Variants in PCDHGB6 observed in about 807,000 individuals in gnomAD.
The protein encoded by PCDHGB6 is protocadherin gamma subfamily B, 6.
In PCDHGB6, 51 loss-of-function variants were observed where a neutral mutation model predicts 59.1. The observed-to-expected ratio is 0.86, with a 90% confidence interval of 0.69 to 1.09. The LOEUF is 1.09. Ranked by LOEUF, PCDHGB6 falls within the 50% of genes least tolerant of loss-of-function variation. The probability of loss-of-function intolerance (pLI) is 0.00; values close to 1 mark genes in which losing one functional copy is unlikely to be tolerated. For synonymous variants in PCDHGB6, 466 were observed against 495.1 expected (o/e 0.94, Z 0.78); for missense variants, 1,148 against 1,205.1 (o/e 0.95, Z 0.70).
chr5:141,489,380 A>T lies in PCDHGB6; in HGVS notation c.2419-5427A>T, dbSNP rs753226956. 1 of 1,613,874 alleles carries T rather than the reference A, an allele frequency of 6.2e-7. No homozygotes were observed. The highest frequency in any genetic ancestry group is 2.2e-5 in the East Asian group (1 of 44,872). On this transcript the variant is annotated intron_variant, in intron 1 of 3. Transcript: ENST00000520790. The surrounding 1 kb of genome is among the most constrained non-coding windows in gnomAD (Gnocchi z 4.5). ...TCTGAGCCGGGGACGCTGGTGGGGA[A>T]TGTTGCTCAGGATCTGGGCTTAAAG... is the stretch of plus-strand genomic sequence containing the variant.
intron 1 of PCDHGB6, among the ~76,000 whole-genome samples, chr5:141,474,185 C>T (rs1481544975): frequency 1.3e-5 from 2 of 152,180 alleles, no homozygotes; most frequent in Non-Finnish European, 2.9e-5. Flanking sequence ...AAACTACTTA[C>T]ATTTTTAAAA....
At chr5:141,416,119 T>G (rs930613185) in intron 1 of PCDHGB6, 1 of 155,364 alleles carries the variant, frequency 6.4e-6, no homozygotes, top group Admixed American at 6.5e-5. Flanking sequence ...AACTACATTT[T>G]ATATATTTTT....
intron 1 of PCDHGB6, chr5:141,424,104 A>G (rs1049098128): frequency 6.2e-6 from 5 of 812,458 alleles, no homozygotes; most frequent in Non-Finnish European, 6.1e-6. Flanking sequence ...ATTACTGCTA[A>G]TGTTCAAATT....
At chr5:141,413,299 G>T in intron 1 of PCDHGB6, 1 of 1,613,966 alleles carries the variant, frequency 6.2e-7, no homozygotes, top group Non-Finnish European at 8.5e-7. Flanking sequence ...AATTCCTGAG[G>T]AATTAGAGAA....
chr5:141,428,117 G>A lies in PCDHGB6; in HGVS notation c.2418+17497G>A, dbSNP rs980705077. 5 of 1,606,984 alleles carry A rather than the reference G, an allele frequency of 3.1e-6. No individual in the cohort carries two copies. The African/African-American group carries it at 6.7e-5, about 21-fold the overall frequency. Reference sequence around the variant, plus strand: ...CCTACCACGTGCTGCAGGCCATCGAGCCCGGGCTTTTCAGCCTGGGGCTGC... The same window carrying A: ...CCTACCACGTGCTGCAGGCCATCGAACCCGGGCTTTTCAGCCTGGGGCTGC... On this transcript the variant is annotated intron_variant, in intron 1 of 3. Coordinates refer to ENST00000520790, the MANE Select transcript of PCDHGB6 (RefSeq NM_018926.3).
intron 1 of PCDHGB6, chr5:141,421,286 T>G: frequency 6.2e-7 from 1 of 1,613,284 alleles, no homozygotes; most frequent in Non-Finnish European, 8.5e-7. Flanking sequence ...CTGTGCATTT[T>G]CCTGGGGACG....
intron 1 of PCDHGB6, among the ~76,000 whole-genome samples, chr5:141,464,748 T>A (rs995568259): frequency 2.0e-5 from 3 of 152,190 alleles, no homozygotes; most frequent in Admixed American, 2.0e-4. Flanking sequence ...TATCTTTTTG[T>A]TTTTTTAGAG....
intron 1 of PCDHGB6, chr5:141,424,778 T>G (rs1009835492): frequency 1.3e-5 from 2 of 152,166 alleles, no homozygotes; most frequent in African/African-American, 4.8e-5. Flanking sequence ...AATAGTACAT[T>G]CAGTTCTTTT....
At chr5:141,506,597 C>T (rs937487600) in intron 3 of PCDHGB6, among the ~76,000 whole-genome samples, 4 of 152,150 alleles carry the variant, frequency 2.6e-5, no homozygotes, top group Admixed American at 6.5e-5. Context: ...ACAGTATTAA[C>T]GGATCTCATT....
chr5:141,458,347 T>A (rs1351687231), intron 1 of PCDHGB6, among the ~76,000 whole-genome samples: 1 of 151,916 alleles, frequency 6.6e-6, no homozygotes, highest in Non-Finnish European at 1.5e-5. Flanking sequence ...AGTGGAGAGT[T>A]TAATAAGCAA....
At chr5:141,414,452 T>G in intron 1 of PCDHGB6, 1 of 1,613,886 alleles carries the variant, frequency 6.2e-7, no homozygotes, top group Non-Finnish European at 8.5e-7. Context: ...AATATCACAG[T>G]GACAGCCACA....
rs145288114 is a variant in PCDHGB6 at position 141,477,334 on chromosome 5, C to T, written c.2419-17473C>T. On this transcript the variant is annotated intron_variant, in intron 1 of 3. Coordinates refer to ENST00000520790, the MANE Select transcript of PCDHGB6 (RefSeq NM_018926.3). This position sits in a 1 kb window ranked among gnomAD's most constrained non-coding sequence, Gnocchi z 4.9. ...GCCTTACTTCTTCCCTCAAGAATTA[C>T]TTCACTTTGAAAACCAGTGCAGACC... is the stretch of plus-strand genomic sequence containing the variant. 1.3e-4 allele frequency: 215 copies of T among 1,614,074 alleles called. No homozygotes were observed. Among genetic ancestry groups the T allele is most frequent in the Non-Finnish European group, 1.8e-4 (210 of 1,180,044 alleles).
intron 1 of PCDHGB6, chr5:141,479,537 T>C (rs1299169562): frequency 6.6e-6 from 1 of 152,230 alleles, no homozygotes; most frequent in Non-Finnish European, 1.5e-5. Context: ...GTGGAGAAGG[T>C]CAAAACTGCT....
intron 1 of PCDHGB6, chr5:141,418,251 C>G: frequency 6.2e-7 from 1 of 1,614,058 alleles, no homozygotes; most frequent in Non-Finnish European, 8.5e-7. Context: ...GACCACGCCC[C>G]TCAATTCCGG....
In PCDHGB6 at chr5:141,434,915, T is replaced by A. The variant is rs1301814716; in HGVS notation, c.2418+24295T>A. Among the ~76,000 whole-genome samples, 3 of 151,830 alleles carry A rather than the reference T, an allele frequency of 2.0e-5. No homozygotes were observed. The East Asian group carries it at 5.8e-4, about 29-fold the overall frequency. ...GTCCCCTTCCCTCATACCTTATTTATGTACATATATTTTATATAATAGATA... is the reference window on the plus strand; with the variant it reads ...GTCCCCTTCCCTCATACCTTATTTAAGTACATATATTTTATATAATAGATA... On this transcript the variant is annotated intron_variant, in intron 1 of 3. Transcript: ENST00000520790.
chr5:141,410,288 T>G lies in PCDHGB6; in HGVS notation c.2086T>G (p.Leu696Val). The change falls in exon 1 of 4, where the codon TTG becomes GTG. Residue 696 changes from leucine (L) to valine (V), a missense_variant. Coordinates refer to ENST00000520790, the MANE Select transcript of PCDHGB6 (RefSeq NM_018926.3). ...ACTGCAGTTTTACCTGGTGGTGGCC[T>G]TGGCCTTAATCTCAGTGCTCTTCCT... ...AELQFYLVVALALISVLFLLA... is the reference protein window; with the variant it reads ...AELQFYLVVAVALISVLFLLA... The G allele has an allele frequency of 6.2e-7, 1 of 1,614,044 alleles. No homozygotes were observed. Among genetic ancestry groups the G allele is most frequent in the Non-Finnish European group, 8.5e-7 (1 of 1,179,900 alleles).
chr5:141,449,708 AT>A (rs2098652573), intron 1 of PCDHGB6, among the ~76,000 whole-genome samples: 1 of 151,520 alleles, frequency 6.6e-6, no homozygotes. Context: ...CAAACACATT[AT>A]TTTTATATGA....
chr5:141,477,644 T>A lies in PCDHGB6; in HGVS notation c.2419-17163T>A. On this transcript the variant is annotated intron_variant, in intron 1 of 3. Coordinates refer to ENST00000520790, the MANE Select transcript of PCDHGB6 (RefSeq NM_018926.3). The surrounding 1 kb of genome is among the most constrained non-coding windows in gnomAD (Gnocchi z 4.9). ...TGAAACCGGGCTAGTGGGTCGCTAT[T>A]TCACAATAAATCGTGACAATGGCAT... The A allele has an allele frequency of 6.2e-7, 1 of 1,614,200 alleles. No homozygotes were observed. Among genetic ancestry groups the A allele is most frequent in the Non-Finnish European group, 8.5e-7 (1 of 1,180,036 alleles).
chr5:141,430,750 G>A (rs746434313), intron 1 of PCDHGB6: 2 of 1,500,586 alleles, frequency 1.3e-6, no homozygotes, highest in Non-Finnish European at 1.8e-6. Context: ...AATTCTGGAG[G>A]AAGATAAGAA....
Sources: allele counts gnomAD v4.1 joint callset (sites outside exome capture counted in the v4.1 genomes callset), GRCh38; gene constraint gnomAD v4.1.1; non-coding constraint Gnocchi (gnomAD v3.1); transcripts MANE v1.5; gene names NCBI Gene and HGNC (gene_info 2026-07-23, HGNC 2026-07-21).